Variants in SH3GL3 observed in about 807,000 individuals in gnomAD.
The protein encoded by SH3GL3 is SH3 domain containing GRB2 like 3, endophilin A3.
In SH3GL3, 33 loss-of-function variants were observed where a neutral mutation model predicts 47.7. That is an observed-to-expected ratio of 0.69 (90% CI 0.52 to 0.92). The LOEUF is 0.92. Ranked by LOEUF, SH3GL3 falls within the 40% of genes least tolerant of loss-of-function variation. The pLI, the probability that SH3GL3 is intolerant of heterozygous loss-of-function variation, is 0.00. For missense variants in SH3GL3, 363 were observed against 417.8 expected (o/e 0.87, Z 1.14); for synonymous variants, 155 against 148.8 (o/e 1.04, Z -0.30).
At chr15:83,595,215 G>T (rs550543043) in intron 8 of SH3GL3, among the ~76,000 whole-genome samples, 1 of 152,276 alleles carries the variant, frequency 6.6e-6, no homozygotes, top group Admixed American at 6.5e-5. Context: ...CATGGGTGGA[G>T]CTGGAGACCA....
intron 1 of SH3GL3, among the ~76,000 whole-genome samples, chr15:83,472,482 G>C (rs1430635006): frequency 6.6e-6 from 1 of 151,362 alleles, no homozygotes; most frequent in African/African-American, 2.4e-5. Flanking sequence ...TTTTTTCTCT[G>C]TTTCTGCATT....
chr15:83,576,652 C>G lies in SH3GL3; in HGVS notation c.535C>G (p.Pro179Ala), dbSNP rs537658440. The change falls in exon 6 of 9, where the codon CCA becomes GCA. Residue 179 changes from proline (P) to alanine (A), a missense_variant. Coordinates refer to ENST00000427482, the MANE Select transcript of SH3GL3 (RefSeq NM_003027.5). ...TAAAAAGAAACGAGTAGGTAAGATA[C>G]CAGACGAAGAAGTCAGACAAGCGGT... ...DYKKKRVGKI[P>A]DEEVRQAVEK... 6.2e-7 allele frequency: 1 copy of G among 1,613,362 alleles called. No individual in the cohort carries two copies. Among genetic ancestry groups the G allele is most frequent in the South Asian group, 1.1e-5 (1 of 91,022 alleles).
At chr15:83,553,433 C>A (rs2151728216) in intron 1 of SH3GL3, among the ~76,000 whole-genome samples, 1 of 152,240 alleles carries the variant, frequency 6.6e-6, no homozygotes, top group South Asian at 2.1e-4. Context: ...ATGATCATTA[C>A]TGATCTATTT....
chr15:83,498,185 A>T (rs1243097204), intron 1 of SH3GL3, among the ~76,000 whole-genome samples: 1 of 152,158 alleles, frequency 6.6e-6, no homozygotes, highest in Non-Finnish European at 1.5e-5. Flanking sequence ...GTTTTCAAAA[A>T]ATATATTTTT....
Position 83,559,371 on chromosome 15 carries a change from A to T in SH3GL3, c.114+50A>T, listed in dbSNP as rs373674904. On this transcript the variant is annotated intron_variant, in intron 2 of 8. Transcript: ENST00000427482. ...TGATTAGAAACTGACTTTCATTGTG[A>T]TATGAGATATACTGCTATTGTAAAG... 2.0e-5 allele frequency: 19 copies of T among 949,360 alleles called. No individual in the cohort carries two copies. In the East Asian group the frequency reaches 4.5e-4, roughly 23 times the overall value. 58.8% of individuals were successfully genotyped at this position (949,360 alleles called of 1,614,324 possible).
intron 6 of SH3GL3, among the ~76,000 whole-genome samples, 194 bp downstream of exon 6, chr15:83,576,935 T>TTTTTTTTTTTTTA (rs1596296618): frequency 6.8e-6 from 1 of 146,496 alleles, no homozygotes; most frequent in Non-Finnish European, 1.5e-5. Context: ...TTTTTTTTTT[T>TTTTTTTTTTTTTA]GAGACGCTGT....
At chr15:83,516,634 C>G (rs2042990032) in intron 1 of SH3GL3, among the ~76,000 whole-genome samples, 1 of 151,940 alleles carries the variant, frequency 6.6e-6, no homozygotes, top group South Asian at 2.1e-4. Flanking sequence ...GGGGAAGGTG[C>G]CATACACTTT....
intron 1 of SH3GL3, among the ~76,000 whole-genome samples, chr15:83,525,881 G>T (rs894827790): frequency 6.6e-6 from 1 of 152,096 alleles, no homozygotes; most frequent in African/African-American, 2.4e-5. Flanking sequence ...GTTGGTCTGT[G>T]TGACTATTTA....
intron 1 of SH3GL3, among the ~76,000 whole-genome samples, chr15:83,494,514 T>C (rs2042001749): frequency 1.3e-5 from 2 of 151,976 alleles, no homozygotes; most frequent in South Asian, 4.2e-4. Flanking sequence ...GGTTAAGTTT[T>C]AAAACCTTTT....
At chr15:83,458,324 A>C (rs2040100171) in intron 1 of SH3GL3, among the ~76,000 whole-genome samples, 1 of 152,154 alleles carries the variant, frequency 6.6e-6, no homozygotes, top group African/African-American at 2.4e-5. Context: ...TTCCTTCCCA[A>C]TTTCCAGGGT....
chr15:83,523,226 A>G (rs1282430337), intron 1 of SH3GL3, among the ~76,000 whole-genome samples: 2 of 152,170 alleles, frequency 1.3e-5, no homozygotes, highest in African/African-American at 4.8e-5. Context: ...CATTGTTACT[A>G]TTTATTTGCT....
At chr15:83,491,097 C>A (rs750429642) in intron 1 of SH3GL3, among the ~76,000 whole-genome samples, 1 of 152,064 alleles carries the variant, frequency 6.6e-6, no homozygotes, top group Non-Finnish European at 1.5e-5. Flanking sequence ...GGGGAGAGTC[C>A]GAGAATCCTG....
chr15:83,510,715 T>A (rs1419374303), intron 1 of SH3GL3, among the ~76,000 whole-genome samples: 1 of 152,034 alleles, frequency 6.6e-6, no homozygotes, highest in Non-Finnish European at 1.5e-5. Flanking sequence ...TATGTGTCAA[T>A]ATACATGTAA....
chr15:83,627,107 A>G, the SH3GL3 span, among the ~76,000 whole-genome samples: 1 of 152,208 alleles, frequency 6.6e-6, no homozygotes, highest in Non-Finnish European at 1.5e-5. Context: ...TCAGATAAGA[A>G]GAAAAGGGGC....
intron 1 of SH3GL3, among the ~76,000 whole-genome samples, chr15:83,462,454 T>C (rs1385182599): frequency 6.6e-6 from 1 of 152,234 alleles, no homozygotes; most frequent in Non-Finnish European, 1.5e-5. Flanking sequence ...TTTTTGTTCA[T>C]ATTGTACTAG....
the SH3GL3 span, among the ~76,000 whole-genome samples, chr15:83,630,576 A>G: frequency 3.5e-4 from 54 of 152,166 alleles, no homozygotes; most frequent in African/African-American, 1.3e-3. Context: ...GGAAGCAAAC[A>G]TGTCCTTCTT....
intron 8 of SH3GL3, among the ~76,000 whole-genome samples, chr15:83,598,600 G>C (rs1247616725): frequency 6.6e-6 from 1 of 152,166 alleles, no homozygotes; most frequent in East Asian, 1.9e-4. Flanking sequence ...TTATCTCACT[G>C]GTTGCATCTT....
chr15:83,495,219 A>G (rs190260760), intron 1 of SH3GL3, among the ~76,000 whole-genome samples: 11 of 152,176 alleles, frequency 7.2e-5, no homozygotes, highest in African/African-American at 2.7e-4. Flanking sequence ...TGGACAGGCC[A>G]TGGCTCCTCT....
intron 8 of SH3GL3, among the ~76,000 whole-genome samples, chr15:83,613,471 G>A (rs986076823): frequency 8.5e-5 from 13 of 152,220 alleles, no homozygotes; most frequent in Non-Finnish European, 1.8e-4. Flanking sequence ...TTCTGTGTGT[G>A]TGTGCAGCAA....
Sources: allele counts gnomAD v4.1 joint callset (sites outside exome capture counted in the v4.1 genomes callset), GRCh38; gene constraint gnomAD v4.1.1; transcripts MANE v1.5; gene names NCBI Gene and HGNC (gene_info 2026-07-23, HGNC 2026-07-21).